MAGI3: variants seen among roughly 807,000 people sequenced by gnomAD.
MAGI3 encodes membrane-associated guanylate kinase, WW and PDZ domain-containing protein 3.
In MAGI3, 43 loss-of-function variants were observed where a neutral mutation model predicts 121.8. The observed-to-expected ratio is 0.35, with a 90% CI of 0.28 to 0.46. The LOEUF (loss-of-function observed/expected upper bound fraction) is 0.46, where lower values mean the gene tolerates loss of function less well. Among genes scored for constraint, MAGI3 ranks in the 20% least tolerant of loss-of-function variants. The pLI is 1.00. For synonymous variants in MAGI3, 553 were observed against 639.3 expected, an observed-to-expected ratio of 0.86 and a Z score of 2.04; for missense variants, 1,547 against 1,797.3, an observed-to-expected ratio of 0.86 and a Z score of 2.52.
chr1:113,663,095 T>C (rs1377208444), intron 16 of MAGI3, among the ~76,000 whole-genome samples: 1 of 151,942 alleles, frequency 6.6e-6, no homozygotes, highest in Non-Finnish European at 1.5e-5. Context: ...CGTGATGGCA[T>C]GTGCCTGTAA....
chr1:113,453,911 T>G (rs979572964), intron 1 of MAGI3, among the ~76,000 whole-genome samples: 2 of 152,242 alleles, frequency 1.3e-5, no homozygotes, highest in Admixed American at 6.5e-5. Flanking sequence ...CTTCCCCTTG[T>G]GGGAAGTATT....
chr1:113,402,653 A>G (rs939763979), intron 1 of MAGI3, among the ~76,000 whole-genome samples: 25 of 151,604 alleles, frequency 1.6e-4, no homozygotes, highest in African/African-American at 5.8e-4. Flanking sequence ...GCATTGGGGG[A>G]AGATAAATTT....
intron 7 of MAGI3, 94 bp from the exon 8 acceptor site, chr1:113,619,642 C>T: frequency 1.2e-6 from 1 of 831,572 alleles, no homozygotes; most frequent in African/African-American, 1.7e-5. Context: ...TATTTGTCCC[C>T]TAATCTATGA....
In MAGI3 at chr1:113,391,063, C is replaced by G; in HGVS notation, c.30C>G (p.His10Gln). Residue 10 changes from histidine to glutamine, a missense_variant, in exon 1 of 21, where the codon CAC becomes CAG. His to Gln is a conservative substitution (Grantham distance 24). Coordinates refer to ENST00000307546, the MANE Select transcript of MAGI3 (RefSeq NM_001142782.2). The surrounding 1 kb of genome is among the most constrained non-coding windows in gnomAD (Gnocchi z 4.4). ...CGAAGACGCTGAAGAAGAAGAAGCA[C>G]TGGCTCAGCAAGGTGCAGGAGTGCG... Reference protein sequence around the residue: MSKTLKKKKHWLSKVQECAV... With the variant: MSKTLKKKKQWLSKVQECAV... 1.3e-6 allele frequency: 2 copies of G among 1,591,830 alleles called. No homozygotes were observed. The highest frequency in any genetic ancestry group is 1.1e-5 in the South Asian group (1 of 87,820).
At chr1:113,602,301 C>A (rs1649451960) in intron 6 of MAGI3, among the ~76,000 whole-genome samples, 1 of 152,080 alleles carries the variant, frequency 6.6e-6, no homozygotes, top group Admixed American at 6.6e-5. Context: ...TAGAAATCAA[C>A]TCCTAAAGGA....
Position 113,531,895 on chromosome 1 carries a change from A to G in MAGI3, c.317-17620A>G, listed in dbSNP as rs557728568. Among the ~76,000 whole-genome samples, 5 of 152,324 alleles carry G rather than the reference A, an allele frequency of 3.3e-5. No homozygotes were observed. The South Asian group carries it at 1.0e-3, about 32-fold the overall frequency. On this transcript the variant is annotated intron_variant, in intron 1 of 20. Coordinates refer to ENST00000307546, the MANE Select transcript of MAGI3 (RefSeq NM_001142782.2). ...TGAGCCTAGGAAACTGTTGAAGTAG[A>G]GCTTTTCAAATTGGACTCACAGTTT...
chr1:113,399,983 T>A (rs1255343476), intron 1 of MAGI3, among the ~76,000 whole-genome samples: 1 of 152,174 alleles, frequency 6.6e-6, no homozygotes, highest in Admixed American at 6.5e-5. Context: ...TTTTTAACCA[T>A]GATTTCGTGG....
intron 8 of MAGI3, among the ~76,000 whole-genome samples, chr1:113,621,899 A>G (rs1033550083): frequency 2.0e-5 from 3 of 152,170 alleles, no homozygotes; most frequent in Non-Finnish European, 4.4e-5. Context: ...TATATTGGGC[A>G]CATCTATACA....
intron 16 of MAGI3, among the ~76,000 whole-genome samples, chr1:113,663,820 T>C (rs1653909389): frequency 6.6e-6 from 1 of 152,198 alleles, no homozygotes; most frequent in Non-Finnish European, 1.5e-5. Flanking sequence ...CCACCAGCAA[T>C]GTATGAGGCT....
intron 1 of MAGI3, among the ~76,000 whole-genome samples, chr1:113,421,028 C>T (rs971092417): frequency 6.6e-5 from 10 of 151,264 alleles, no homozygotes; most frequent in African/African-American, 2.4e-4. Flanking sequence ...TTTGAGAGGG[C>T]TAACTGTATT....
At chr1:113,599,321 A>T (rs1649221332) in intron 6 of MAGI3, among the ~76,000 whole-genome samples, 1 of 152,130 alleles carries the variant, frequency 6.6e-6, no homozygotes, top group South Asian at 2.1e-4. Flanking sequence ...ATCGACCACT[A>T]GCAAGACTAA....
chr1:113,481,624 A>G (rs150391960), intron 1 of MAGI3, among the ~76,000 whole-genome samples: 6 of 152,260 alleles, frequency 3.9e-5, no homozygotes, highest in East Asian at 1.9e-4. Context: ...ACTATTGGCA[A>G]ATTTCTAAAT....
At chr1:113,547,779 T>C (rs1278684295) in intron 1 of MAGI3, among the ~76,000 whole-genome samples, 2 of 152,188 alleles carry the variant, frequency 1.3e-5, no homozygotes, top group Non-Finnish European at 2.9e-5. Context: ...TTTATCTAAA[T>C]AAGGCTTGGG....
At chr1:113,635,361 T>C (rs1570973455) in intron 9 of MAGI3, among the ~76,000 whole-genome samples, 2 of 152,254 alleles carry the variant, frequency 1.3e-5, no homozygotes, top group Non-Finnish European at 2.9e-5. Context: ...TGGCTGTGGG[T>C]TTGTCATAGA....
intron 1 of MAGI3, among the ~76,000 whole-genome samples, chr1:113,413,115 C>T (rs943556122): frequency 6.6e-6 from 1 of 152,148 alleles, no homozygotes; most frequent in Non-Finnish European, 1.5e-5. Flanking sequence ...GTTTTCCCAG[C>T]ACCATTTATT....
At chr1:113,682,124 CAT>C (rs1648255365) in intron 20 of MAGI3, 2 of 1,385,562 alleles carry the variant, frequency 1.4e-6, no homozygotes, top group African/African-American at 1.5e-5. Context: ...GCTTGTAAAT[CAT>C]ATGTTCCCAG....
At chr1:113,463,406 C>T (rs1655127877) in intron 1 of MAGI3, among the ~76,000 whole-genome samples, 1 of 151,208 alleles carries the variant, frequency 6.6e-6, no homozygotes, top group Non-Finnish European at 1.5e-5. Context: ...AGGGTGCAAC[C>T]AGTGAGGTAG....
chr1:113,405,718 A>G (rs1185330246), intron 1 of MAGI3, among the ~76,000 whole-genome samples: 2 of 152,096 alleles, frequency 1.3e-5, no homozygotes, highest in Non-Finnish European at 2.9e-5. Context: ...TCTGTGGCTC[A>G]CAACCTCAAC....
At chr1:113,465,883 C>T (rs980366007) in intron 1 of MAGI3, among the ~76,000 whole-genome samples, 1 of 151,960 alleles carries the variant, frequency 6.6e-6, no homozygotes, top group East Asian at 1.9e-4. Flanking sequence ...TTTATCTGTT[C>T]TAATAGTTTT....
Sources: gnomAD v4.1 joint callset for allele counts (sites outside exome capture counted in the v4.1 genomes callset) on GRCh38, gnomAD v4.1.1 for gene constraint, Gnocchi (gnomAD v3.1) non-coding constraint, MANE v1.5 for transcripts, NCBI Gene and HGNC (gene_info 2026-07-23, HGNC 2026-07-21) for gene names.